The following ATP2A2 variants were observed in gnomAD, a reference collection of about 807,000 sequenced individuals.
ATP2A2 encodes sarcoplasmic/endoplasmic reticulum calcium ATPase 2.
Under a neutral mutation model 109.3 loss-of-function variants are expected in ATP2A2, and 14 were observed. The observed-to-expected ratio is 0.13, with a 90% CI of 0.08 to 0.20. The LOEUF (loss-of-function observed/expected upper bound fraction) is 0.20, where lower values mean the gene tolerates loss of function less well. Among genes scored for constraint, ATP2A2 ranks in the 10% least tolerant of loss-of-function variants. The pLI is 1.00. For synonymous variants in ATP2A2, 506 were observed against 490.9 expected, an observed-to-expected ratio of 1.03 and a Z score of -0.41; for missense variants, 657 against 1,321.6, an observed-to-expected ratio of 0.50 and a Z score of 7.80.
intron 3 of ATP2A2, among the ~76,000 whole-genome samples, chr12:110,286,889 C>A (rs1224970220): frequency 6.6e-6 from 1 of 152,104 alleles, no homozygotes; most frequent in African/African-American, 2.4e-5. Context: ...GTATAGATAT[C>A]TGAGTCACAA....
At chr12:110,336,699 T>C (rs1409054791) in intron 11 of ATP2A2, among the ~76,000 whole-genome samples, 1 of 152,238 alleles carries the variant, frequency 6.6e-6, no homozygotes, top group Non-Finnish European at 1.5e-5. Context: ...CACACTGGAA[T>C]TGAGACTGTC....
Position 110,340,717 on chromosome 12 carries a change from C to T in ATP2A2, c.1820C>T (p.Ala607Val), listed in dbSNP as rs771778298. The change falls in exon 14 of 20, where the codon GCC becomes GTC. Residue 607 changes from alanine to valine, a missense_variant. Ala to Val is a moderately conservative substitution (Grantham distance 64). Transcript: ENST00000539276. The surrounding 1 kb of genome is among the most constrained non-coding windows in gnomAD (Gnocchi z 6.0). ...GMLDPPRIEV[A>V]SSVKLCRQAG... ...CTGGATCCTCCGAGAATCGAGGTGGCCTCCTCCGTGAAGCTGTGCCGGCAA... is the reference window on the plus strand; with the variant it reads ...CTGGATCCTCCGAGAATCGAGGTGGTCTCCTCCGTGAAGCTGTGCCGGCAA... The T allele has an allele frequency of 6.2e-7, 1 of 1,614,098 alleles. No individual in the cohort carries two copies. The highest frequency in any genetic ancestry group is 2.2e-5 in the East Asian group (1 of 44,874).
intron 3 of ATP2A2, among the ~76,000 whole-genome samples, chr12:110,287,814 C>G (rs1222026727): frequency 6.6e-6 from 1 of 152,026 alleles, no homozygotes. Context: ...CGGGGTTTCT[C>G]CATGTTGACC....
rs774118104 is a variant in ATP2A2, at chr12:110,346,479, T to TTTCCA, written c.*11_*15dup. ...ATATGTTCTGGTCTTGACTGACAGT[T>TTTCCA]TTCCATAAAGAAGATGTTTAACTTA... is the stretch of plus-strand genomic sequence containing the variant. On this transcript the variant is annotated 3_prime_UTR_variant, in exon 20 of 20. Transcript: ENST00000539276. The TTTCCA allele has an allele frequency of 1.9e-6, 3 of 1,614,104 alleles. No homozygotes were observed. The African/African-American group carries it at 4.0e-5, about 22-fold the overall frequency.
In ATP2A2 at chr12:110,347,610, CAT is replaced by C. The variant is rs1469570478; in HGVS notation, c.*1141_*1142del. The stretch of plus-strand genomic sequence containing the variant: ...TGTTTTGTAAAATCTGTAAATAGCA[CAT>C]GACCAAATGAACATATTGTATAGAA... On this transcript the variant is annotated 3_prime_UTR_variant, in exon 20 of 20. Coordinates refer to ENST00000539276, the MANE Select transcript of ATP2A2 (RefSeq NM_170665.4). 5 of 1,221,186 alleles carry C rather than the reference CAT, an allele frequency of 4.1e-6. No individual in the cohort carries two copies. The African/African-American group carries it at 4.7e-5, about 12-fold the overall frequency. The allele number at this position is 1,221,186 out of a possible 1,614,324, so 75.6% of individuals were successfully genotyped here. A position where few individuals can be genotyped will look rare whatever the true frequency, so the allele number is the denominator to read the frequency against.
intron 5 of ATP2A2, among the ~76,000 whole-genome samples, chr12:110,305,486 G>T (rs181332098): frequency 6.6e-6 from 1 of 152,312 alleles, no homozygotes; most frequent in East Asian, 1.9e-4. Flanking sequence ...ATATTTAGTT[G>T]TCTCAGCACC....
intron 5 of ATP2A2, among the ~76,000 whole-genome samples, chr12:110,305,629 C>T (rs965433557): frequency 5.9e-5 from 9 of 152,210 alleles, no homozygotes; most frequent in Non-Finnish European, 1.2e-4. Context: ...ACCATACTGT[C>T]TTGATAGCTA....
rs566616837 is a variant in ATP2A2, at chr12:110,286,970, C to A, written c.219+4175C>A. 2.5e-4 allele frequency among the ~76,000 whole-genome samples: 38 copies of A among 152,082 alleles called. 1 individual carries two copies. Among genetic ancestry groups the A allele is most frequent in the South Asian group, 2.3e-3 (11 of 4,814 alleles). On this transcript the variant is annotated intron_variant, in intron 3 of 19. Transcript: ENST00000539276. The stretch of plus-strand genomic sequence containing the variant: ...TGGATTAAAATTTGCTTTATTTGGC[C>A]GGGTGCAGTGAGTGGCTCATGCCTG...
intron 6 of ATP2A2, chr12:110,325,743 G>A (rs1877731184): frequency 6.4e-6 from 1 of 155,646 alleles, no homozygotes; most frequent in Non-Finnish European, 1.4e-5. Context: ...AGCACTTTGA[G>A]GAGGACAAGA....
intron 5 of ATP2A2, among the ~76,000 whole-genome samples, chr12:110,304,070 T>C (rs944997663): frequency 2.0e-5 from 3 of 152,202 alleles, no homozygotes; most frequent in African/African-American, 7.2e-5. Flanking sequence ...ATATTGCATA[T>C]AAATGGAGTC....
intron 6 of ATP2A2, among the ~76,000 whole-genome samples, chr12:110,323,309 C>T (rs1486556352): frequency 6.6e-6 from 1 of 152,128 alleles, no homozygotes; most frequent in African/African-American, 2.4e-5. Context: ...CTCAGCCTCC[C>T]AAGTAGCTGG....
At chr12:110,335,643 C>T (rs1878769407) in intron 11 of ATP2A2, among the ~76,000 whole-genome samples, 1 of 152,226 alleles carries the variant, frequency 6.6e-6, no homozygotes, top group South Asian at 2.1e-4. Context: ...TACACAAAGT[C>T]TGTGTGGGTC....
At chr12:110,303,495 C>CCGACTCCCTGGTTCAAG (rs1158160061) in intron 5 of ATP2A2, among the ~76,000 whole-genome samples, 1 of 152,134 alleles carries the variant, frequency 6.6e-6, no homozygotes, top group Non-Finnish European at 1.5e-5. Context: ...ACTGCAACCT[C>CCGACTCCCTGGTTCAAG]CGACTCCCTG....
In ATP2A2 at chr12:110,292,080, A is replaced by G; in HGVS notation, c.280A>G (p.Ile94Val). The change falls in exon 4 of 20, where the codon ATT becomes GTT. Residue 94 changes from isoleucine to valine, a missense_variant. Around this residue, in one of 9 missense-constraint regions of ATP2A2, gnomAD observed 136 missense variants for 343.9 expected, o/e 0.40. Transcript: ENST00000539276. ...TACAGCCTTTGTAGAACCTTTTGTAATTTTACTCATATTAGTAGCCAATGC... is the reference window on the plus strand; with the variant it reads ...TACAGCCTTTGTAGAACCTTTTGTAGTTTTACTCATATTAGTAGCCAATGC... ...TITAFVEPFV[I>V]LLILVANAIV... 1 of 1,614,160 alleles carries G rather than the reference A, an allele frequency of 6.2e-7. No individual in the cohort carries two copies. The highest frequency in any genetic ancestry group is 8.5e-7 in the Non-Finnish European group (1 of 1,180,032).
chr12:110,311,278 TCACTCA>T (rs1229566229), intron 5 of ATP2A2, among the ~76,000 whole-genome samples: 1 of 152,198 alleles, frequency 6.6e-6, no homozygotes, highest in Non-Finnish European at 1.5e-5. Context: ...TCTCACTGTG[TCACTCA>T]GGCTGGTCTT....
At chr12:110,291,148 T>TCCCC (rs1566201598) in intron 3 of ATP2A2, among the ~76,000 whole-genome samples, 1 of 151,668 alleles carries the variant, frequency 6.6e-6, no homozygotes, top group Non-Finnish European at 1.5e-5. Context: ...CCTCAGGTGA[T>TCCCC]CCCCCCGCCT....
chr12:110,306,847 C>T (rs1283232802), intron 5 of ATP2A2, among the ~76,000 whole-genome samples: 2 of 152,118 alleles, frequency 1.3e-5, no homozygotes, highest in African/African-American at 4.8e-5. Context: ...CCCACTTCAG[C>T]CTCCTTGTGA....
At chr12:110,328,503 A>G (rs1345309390) in intron 8 of ATP2A2, among the ~76,000 whole-genome samples, 1 of 152,182 alleles carries the variant, frequency 6.6e-6, no homozygotes, top group Non-Finnish European at 1.5e-5. Context: ...TGGGCAGCGG[A>G]GGTTGCAGTG....
chr12:110,335,142 T>G (rs1878721025), intron 11 of ATP2A2, among the ~76,000 whole-genome samples: 1 of 152,202 alleles, frequency 6.6e-6, no homozygotes, highest in African/African-American at 2.4e-5. Context: ...TGGACCTGAG[T>G]GAGGTTCCTC....
Sources: gnomAD v4.1 joint callset for allele counts (sites outside exome capture counted in the v4.1 genomes callset) on GRCh38, gnomAD v4.1.1 for gene constraint, gnomAD v4.1.1 regional missense constraint, Gnocchi (gnomAD v3.1) non-coding constraint, MANE v1.5 for transcripts, NCBI Gene and HGNC (gene_info 2026-07-23, HGNC 2026-07-21) for gene names.